Variants in NFIC observed in about 807,000 individuals in gnomAD.
The protein encoded by NFIC is nuclear factor 1 C-type.
Under a neutral mutation model 54.4 loss-of-function variants are expected in NFIC, and 12 were observed. The observed-to-expected ratio is 0.22, with a 90% CI of 0.14 to 0.36. The LOEUF is 0.36. Ranked by LOEUF, NFIC falls within the 10% of genes least tolerant of loss-of-function variation. The pLI, the probability that NFIC is intolerant of heterozygous loss-of-function variation, is 1.00. For synonymous variants in NFIC, 322 were observed against 319.2 expected, an observed-to-expected ratio of 1.01 and a Z score of -0.09; for missense variants, 575 against 718.2, an observed-to-expected ratio of 0.80 and a Z score of 2.28.
intron 1 of NFIC, among the ~76,000 whole-genome samples, chr19:3,380,275 A>G (rs1209519502): frequency 1.5e-5 from 2 of 134,230 alleles, no homozygotes; most frequent in Non-Finnish European, 3.1e-5. Context: ...AAGTGCTGGG[A>G]TTACAAGCGT....
intron 2 of NFIC, among the ~76,000 whole-genome samples, chr19:3,402,198 A>C (rs1214371914): frequency 6.6e-6 from 1 of 152,202 alleles, no homozygotes; most frequent in Non-Finnish European, 1.5e-5. Flanking sequence ...GGCATGTGCC[A>C]CTATAGCCAG....
intron 2 of NFIC, among the ~76,000 whole-genome samples, chr19:3,423,166 C>G (rs897884727): frequency 7.2e-5 from 11 of 151,898 alleles, no homozygotes; most frequent in African/African-American, 1.9e-4. Context: ...CCACTGCATT[C>G]CAGCCTGGGA....
chr19:3,366,533 G>GT, upstream of NFIC: 1 of 543,828 alleles, frequency 1.8e-6, no homozygotes, highest in Non-Finnish European at 2.8e-6. Flanking sequence ...CGGCCGCGGG[G>GT]CGGGGGGGGG....
chr19:3,374,122 C>T (rs12151209), intron 1 of NFIC, among the ~76,000 whole-genome samples: 50,827 of 152,056 alleles, frequency 0.33, 9,898 homozygotes, highest in Middle Eastern at 0.54. Context: ...TCACTTTTAC[C>T]TGGAAACTTT....
chr19:3,391,811 T>C (rs1183926596), intron 2 of NFIC, among the ~76,000 whole-genome samples: 1 of 152,112 alleles, frequency 6.6e-6, no homozygotes, highest in Non-Finnish European at 1.5e-5. Flanking sequence ...AAAAATGTTA[T>C]ATATGTAACA....
In NFIC at chr19:3,435,164, G is replaced by A. The variant is rs757746010; in HGVS notation, c.915G>A (p.Ser305=). Residue 305 remains serine, a synonymous_variant, in exon 6 of 11, where the codon TCG becomes TCA. Coordinates refer to ENST00000443272, the MANE Select transcript of NFIC (RefSeq NM_001245002.2). ...GCGATTACTACACTTCGCCCAGCTC[G>A]CCCACGAGTAGCAGCCGCAACTGGA... is the stretch of plus-strand genomic sequence containing the variant. The part of the protein sequence containing the change: ...PGGDYYTSPS[S]PTSSSRNWTE... The A allele has an allele frequency of 6.9e-6, 11 of 1,605,300 alleles. No homozygotes were observed. Among genetic ancestry groups the A allele is most frequent in the Middle Eastern group, 1.7e-4 (1 of 6,038 alleles).
At chr19:3,373,188 G>A (rs1011265751) in intron 1 of NFIC, among the ~76,000 whole-genome samples, 3 of 152,146 alleles carry the variant, frequency 2.0e-5, no homozygotes. Flanking sequence ...CGCTCAGCCT[G>A]TAAGAGGCAC....
intron 2 of NFIC, among the ~76,000 whole-genome samples, chr19:3,388,661 C>CA (rs976171119): frequency 7.2e-5 from 11 of 151,856 alleles, no homozygotes; most frequent in African/African-American, 2.7e-4. Context: ...TGCCCCCCCC[C>CA]AACAAAATTT....
At chr19:3,419,696 G>A (rs1027041982) in intron 2 of NFIC, among the ~76,000 whole-genome samples, 11 of 151,624 alleles carry the variant, frequency 7.3e-5, no homozygotes, top group African/African-American at 2.7e-4. Flanking sequence ...CTACTTAGGA[G>A]GCTCAGGCAG....
intron 2 of NFIC, among the ~76,000 whole-genome samples, chr19:3,404,122 CG>C (rs1389053028): frequency 1.3e-5 from 2 of 152,070 alleles, no homozygotes; most frequent in East Asian, 3.9e-4. Flanking sequence ...GGGCTCCCCC[CG>C]AGGCCTGCCC....
Position 3,468,030 on chromosome 19 carries a change from T to C in NFIC, c.*5261T>C, listed in dbSNP as rs2082740480. 6.6e-6 allele frequency: 1 copy of C among 151,296 alleles called. No homozygotes were observed. The highest frequency in any genetic ancestry group is 2.1e-4 in the South Asian group (1 of 4,794). 9.4% of individuals were successfully genotyped at this position (151,296 alleles called of 1,614,324 possible). On this transcript the variant is annotated 3_prime_UTR_variant, in exon 11 of 11. Transcript: ENST00000443272. Reference sequence around the variant, plus strand: ...CCATCCATTGCTCAATGGTACAGAGTGTGGGGTCAGTCCACCACCCTTGAC... The same window carrying C: ...CCATCCATTGCTCAATGGTACAGAGCGTGGGGTCAGTCCACCACCCTTGAC...
At chr19:3,413,599 C>T (rs2081800418) in intron 2 of NFIC, among the ~76,000 whole-genome samples, 1 of 152,062 alleles carries the variant, frequency 6.6e-6, no homozygotes, top group Non-Finnish European at 1.5e-5. Context: ...ATGGAGGCAA[C>T]ATTTGCAGCC....
At chr19:3,399,492 C>T (rs1474551345) in intron 2 of NFIC, among the ~76,000 whole-genome samples, 1 of 152,160 alleles carries the variant, frequency 6.6e-6, no homozygotes, top group Non-Finnish European at 1.5e-5. Flanking sequence ...AGGAGGATTG[C>T]TCAAGTCTGG....
chr19:3,385,436 G>T (rs910331498), intron 2 of NFIC, among the ~76,000 whole-genome samples: 1 of 152,166 alleles, frequency 6.6e-6, no homozygotes, highest in Non-Finnish European at 1.5e-5. Flanking sequence ...CACCCACAAG[G>T]CATCGTGAAG....
rs758286013 is a variant in NFIC at position 3,371,881 on chromosome 19, C to CTCCTTCCTTCCT, written c.30+5263_30+5274dup. On this transcript the variant is annotated intron_variant, in intron 1 of 10. Transcript: ENST00000443272. ...TCTTTTCTTTCTTTTTTCTTTCTCT[C>CTCCTTCCTTCCT]TCCTTCCTTCCTTCCTTCCTTCCTT... Among the ~76,000 whole-genome samples, 263 of 99,862 alleles carry CTCCTTCCTTCCT rather than the reference C, an allele frequency of 2.6e-3. 3 individuals carry two copies. Among genetic ancestry groups the CTCCTTCCTTCCT allele is most frequent in the East Asian group, 5.7e-3 (17 of 2,996 alleles). The allele number at this position is 99,862 out of a possible 152,430, so 65.5% of individuals were successfully genotyped here. A position where few individuals can be genotyped will look rare whatever the true frequency, so the allele number is the denominator to read the frequency against.
At chr19:3,429,652 G>A (rs1454335295) in intron 3 of NFIC, among the ~76,000 whole-genome samples, 1 of 152,124 alleles carries the variant, frequency 6.6e-6, no homozygotes, top group Non-Finnish European at 1.5e-5. Flanking sequence ...ACTGGACACA[G>A]CCCTGAGCTC....
intron 6 of NFIC, among the ~76,000 whole-genome samples, chr19:3,435,577 G>A (rs2082188241): frequency 6.6e-6 from 1 of 152,100 alleles, no homozygotes; most frequent in African/African-American, 2.4e-5. Flanking sequence ...TCGTCTGTAG[G>A]GACCCTGTTT....
chr19:3,372,683 CTGTT>C (rs141818123), intron 1 of NFIC, among the ~76,000 whole-genome samples: 276 of 142,934 alleles, frequency 1.9e-3, no homozygotes, highest in African/African-American at 7.4e-3. Flanking sequence ...TGGCCCGAGA[CTGTT>C]TGCTCAAGGG....
At chr19:3,454,992 G>T (rs1231818311) in intron 9 of NFIC, among the ~76,000 whole-genome samples, 1 of 152,210 alleles carries the variant, frequency 6.6e-6, no homozygotes, top group Non-Finnish European at 1.5e-5. Context: ...CCTCAGGCAG[G>T]TGTCTTCCCC....
Sources: allele counts gnomAD v4.1 joint callset (sites outside exome capture counted in the v4.1 genomes callset), GRCh38; gene constraint gnomAD v4.1.1; transcripts MANE v1.5; gene names NCBI Gene and HGNC (gene_info 2026-07-23, HGNC 2026-07-21).